Variants in FAF1 observed in about 807,000 individuals in gnomAD.
The protein encoded by FAF1 is FAS-associated factor 1.
FAF1 carries 25 observed loss-of-function variants against 92.5 expected under a neutral mutation model. The ratio of observed to expected loss-of-function variants is 0.27; its 90% confidence interval spans 0.20 to 0.38. FAF1 has a LOEUF of 0.38. Among genes scored for constraint, FAF1 ranks in the 10% least tolerant of loss-of-function variants. FAF1 has a pLI of 1.00. For missense variants in FAF1, 636 were observed against 793.3 expected, an observed-to-expected ratio of 0.80 and a Z score of 2.38; for synonymous variants, 234 against 273.2, an observed-to-expected ratio of 0.86 and a Z score of 1.42.
chr1:50,729,581 A>G (rs1658832770), intron 6 of FAF1, among the ~76,000 whole-genome samples: 1 of 151,198 alleles, frequency 6.6e-6, no homozygotes, highest in Non-Finnish European at 1.5e-5. Context: ...TAATTACTGT[A>G]CTTTTAGTAG....
At chr1:50,657,248 T>G (rs570774583) in intron 7 of FAF1, among the ~76,000 whole-genome samples, 210 of 148,420 alleles carry the variant, frequency 1.4e-3, no homozygotes, top group African/African-American at 5.0e-3. Flanking sequence ...CTCTTCAGGG[T>G]TTTTTTTTTC....
chr1:50,944,000 G>A (rs1318525282), intron 1 of FAF1, among the ~76,000 whole-genome samples: 1 of 152,230 alleles, frequency 6.6e-6, no homozygotes, highest in African/African-American at 2.4e-5. Context: ...AGTGAGTCTA[G>A]TCCTTGTTTT....
intron 4 of FAF1, among the ~76,000 whole-genome samples, chr1:50,744,998 T>C (rs1659531976): frequency 6.6e-6 from 1 of 152,062 alleles, no homozygotes. Context: ...AACTAAAAAA[T>C]AAAGCTAGGC....
intron 1 of FAF1, among the ~76,000 whole-genome samples, chr1:50,866,858 C>T (rs1306705090): frequency 6.6e-6 from 1 of 151,856 alleles, no homozygotes; most frequent in Non-Finnish European, 1.5e-5. Context: ...CATATGAAAC[C>T]GAAAAAGTGA....
chr1:50,898,288 C>T (rs2124706962), intron 1 of FAF1, among the ~76,000 whole-genome samples: 1 of 152,194 alleles, frequency 6.6e-6, no homozygotes, highest in South Asian at 2.1e-4. Context: ...GCCCTCCAGC[C>T]TAGACAAACA....
chr1:50,838,123 C>T (rs144687272), intron 2 of FAF1, among the ~76,000 whole-genome samples: 1 of 152,218 alleles, frequency 6.6e-6, no homozygotes, highest in East Asian at 1.9e-4. Context: ...ATCATAAAGG[C>T]ATGCACAGCT....
At chr1:50,471,042 A>T (rs893147671) in intron 18 of FAF1, 7 of 152,240 alleles carry the variant, frequency 4.6e-5, no homozygotes, top group East Asian at 1.9e-4. Context: ...CAATTTTTTT[A>T]AAATTTCTGT....
chr1:50,819,707 A>G (rs1431841932), intron 2 of FAF1, among the ~76,000 whole-genome samples: 2 of 44,694 alleles, frequency 4.5e-5, no homozygotes, highest in African/African-American at 1.5e-4. Flanking sequence ...ATATATACAT[A>G]TATATATACG....
chr1:50,869,107 A>G (rs894478229), intron 1 of FAF1, among the ~76,000 whole-genome samples: 1 of 152,094 alleles, frequency 6.6e-6, no homozygotes, highest in African/African-American at 2.4e-5. Flanking sequence ...TGAAAAATTG[A>G]TTCTCCCGCG....
intron 2 of FAF1, among the ~76,000 whole-genome samples, chr1:50,819,623 G>A (rs1249558907): frequency 8.8e-6 from 1 of 113,876 alleles, no homozygotes. Context: ...AAGACTGACC[G>A]ACTGACTGAC....
intron 12 of FAF1, among the ~76,000 whole-genome samples, 165 bp from the exon 13 acceptor site, chr1:50,567,396 T>C (rs1650222664): frequency 6.6e-6 from 1 of 152,088 alleles, no homozygotes; most frequent in African/African-American, 2.4e-5. Context: ...ATCTAAAATA[T>C]CAAAAAATTT....
At chr1:50,603,419 C>T (rs377085323) in intron 8 of FAF1, among the ~76,000 whole-genome samples, 26 of 152,224 alleles carry the variant, frequency 1.7e-4, no homozygotes, top group African/African-American at 5.3e-4. Flanking sequence ...ACATTTCCAA[C>T]GTAGATAAGG....
At chr1:50,952,242 G>C (rs10158602) in intron 1 of FAF1, among the ~76,000 whole-genome samples, 8 of 152,270 alleles carry the variant, frequency 5.3e-5, no homozygotes, top group South Asian at 4.1e-4. Flanking sequence ...CGAGTGCCTG[G>C]GATTGCAGGC....
chr1:50,891,148 A>T (rs1644716444), intron 1 of FAF1, among the ~76,000 whole-genome samples: 1 of 152,208 alleles, frequency 6.6e-6, no homozygotes, highest in Admixed American at 6.5e-5. Flanking sequence ...GCAGTTGATG[A>T]AATCGGCTAT....
intron 1 of FAF1, among the ~76,000 whole-genome samples, chr1:50,896,743 T>C (rs531069383): frequency 2.0e-5 from 3 of 152,280 alleles, no homozygotes; most frequent in Middle Eastern, 3.4e-3. Context: ...AGTAAAACTC[T>C]TAGAGACAGA....
chr1:50,568,633 C>A (rs571883034), intron 12 of FAF1, among the ~76,000 whole-genome samples: 1 of 152,242 alleles, frequency 6.6e-6, no homozygotes, highest in South Asian at 2.1e-4. Flanking sequence ...ATCCTTAACC[C>A]CATTAGCATA....
chr1:50,771,921 C>T (rs1660788088), intron 4 of FAF1, among the ~76,000 whole-genome samples: 1 of 151,984 alleles, frequency 6.6e-6, no homozygotes, highest in African/African-American at 2.4e-5. Context: ...AACAAACAAA[C>T]AAAATGCCAA....
At chr1:50,836,789 C>T (rs1039885577) in intron 2 of FAF1, among the ~76,000 whole-genome samples, 1 of 151,942 alleles carries the variant, frequency 6.6e-6, no homozygotes, top group Non-Finnish European at 1.5e-5. Context: ...GACACTCTGT[C>T]CCAGCATTTA....
intron 8 of FAF1, among the ~76,000 whole-genome samples, chr1:50,624,242 G>A (rs1192333891): frequency 1.3e-5 from 2 of 152,036 alleles, no homozygotes; most frequent in Admixed American, 6.6e-5. Flanking sequence ...TCACCTCCTG[G>A]GTTCAAGCGA....
Sources: allele counts gnomAD v4.1 joint callset (sites outside exome capture counted in the v4.1 genomes callset), GRCh38; gene constraint gnomAD v4.1.1; transcripts MANE v1.5; gene names NCBI Gene and HGNC (gene_info 2026-07-23, HGNC 2026-07-21).